MLLT1: variants seen among roughly 807,000 people sequenced by gnomAD.
The protein encoded by MLLT1 is protein ENL.
Under a neutral mutation model 55.1 loss-of-function variants are expected in MLLT1, and 11 were observed. The ratio of observed to expected loss-of-function variants is 0.20; its 90% CI spans 0.13 to 0.33. The LOEUF (loss-of-function observed/expected upper bound fraction) is 0.33. MLLT1 is among the 10% of genes least tolerant of loss of function. The pLI is 1.00. For synonymous variants in MLLT1, 323 were observed against 320.1 expected, an observed-to-expected ratio of 1.01 and a Z score of -0.10; for missense variants, 536 against 760.6, an observed-to-expected ratio of 0.70 and a Z score of 3.47.
intron 1 of MLLT1, among the ~76,000 whole-genome samples, chr19:6,279,353 A>C (rs1055418536): frequency 6.6e-6 from 1 of 152,060 alleles, no homozygotes; most frequent in African/African-American, 2.4e-5. Flanking sequence ...GGGTCTGAAC[A>C]GGGCCCAGAT....
At chr19:6,269,742 G>A (rs542578918) in intron 2 of MLLT1, among the ~76,000 whole-genome samples, 19 of 152,320 alleles carry the variant, frequency 1.2e-4, no homozygotes, top group African/African-American at 3.8e-4. Flanking sequence ...GCAGGGTAGA[G>A]GGGTCACCAG....
At position 6,270,489 on chromosome 19, in the gene MLLT1, T is replaced by C. The variant is rs2091386680; in HGVS notation, c.193+90A>G. ...AACCTCATGGTTGGAGGGGTCCTGC[T>C]GCTCCTGAGGGAGGGGTGGAGCCTG... On this transcript the variant is annotated intron_variant, in intron 2 of 11. Transcript: ENST00000252674. The surrounding 1 kb of genome is among the most constrained non-coding windows in gnomAD (Gnocchi z 7.1). The C allele has an allele frequency of 1.0e-5, 14 of 1,399,894 alleles. No individual in the cohort carries two copies. Among genetic ancestry groups the C allele is most frequent in the Admixed American group, 8.5e-5 (4 of 46,926 alleles). The allele number at this position is 1,399,894 out of a possible 1,614,324, so 86.7% of individuals were successfully genotyped here. A position where few individuals can be genotyped will look rare whatever the true frequency, so the allele number is the denominator to read the frequency against.
At chr19:6,277,983 G>C (rs964446831) in intron 1 of MLLT1, among the ~76,000 whole-genome samples, 2 of 152,206 alleles carry the variant, frequency 1.3e-5, no homozygotes, top group Non-Finnish European at 2.9e-5. Flanking sequence ...CAAACCAGAT[G>C]GGAAGCCATG....
At chr19:6,213,291 C>T in intron 11 of MLLT1, 46 bp downstream of exon 11, 4 of 1,610,536 alleles carry the variant, frequency 2.5e-6, no homozygotes, top group Non-Finnish European at 3.4e-6. Context: ...ACACTCCTCA[C>T]AGGCACCCCG....
At chr19:6,259,095 C>T (rs1225046271) in intron 3 of MLLT1, 4 of 152,224 alleles carry the variant, frequency 2.6e-5, no homozygotes, top group South Asian at 2.1e-4. Context: ...TGAGATTGAA[C>T]GCTGGCGTGT....
chr19:6,224,819 T>TC (rs2090938679), intron 5 of MLLT1, among the ~76,000 whole-genome samples: 1 of 152,148 alleles, frequency 6.6e-6, no homozygotes, highest in African/African-American at 2.4e-5. Flanking sequence ...AAGCTCCGCC[T>TC]CCCGGGTTCA....
intron 3 of MLLT1, among the ~76,000 whole-genome samples, chr19:6,246,926 G>A (rs530642078): frequency 2.0e-5 from 3 of 152,308 alleles, no homozygotes; most frequent in South Asian, 2.1e-4. Context: ...AGAGCTGCAC[G>A]CCAATGCTGA....
At position 6,273,873 on chromosome 19, in the gene MLLT1, G is replaced by A. The variant is rs2091413337; in HGVS notation, c.13-3114C>T. On this transcript the variant is annotated intron_variant, in intron 1 of 11. Transcript: ENST00000252674. The surrounding 1 kb of genome is among the most constrained non-coding windows in gnomAD (Gnocchi z 4.3). ...TCTGATGACAGGGAGTTCCTACCCAGGGCACGCAGGCGGCAGAGCAGTTAT... is the reference window on the plus strand; with the variant it reads ...TCTGATGACAGGGAGTTCCTACCCAAGGCACGCAGGCGGCAGAGCAGTTAT... Among the ~76,000 whole-genome samples, 1 of 152,236 alleles carries A rather than the reference G, an allele frequency of 6.6e-6. No homozygotes were observed. Among genetic ancestry groups the A allele is most frequent in the Non-Finnish European group, 1.5e-5 (1 of 68,042 alleles).
At chr19:6,221,990 G>A (rs2090902582) in intron 6 of MLLT1, 131 bp downstream of exon 6, 3 of 663,640 alleles carry the variant, frequency 4.5e-6, no homozygotes, top group South Asian at 4.7e-5. Context: ...GTTACAAGAA[G>A]CCAGTGGGAG....
intron 2 of MLLT1, among the ~76,000 whole-genome samples, chr19:6,269,845 CCT>C (rs1029347437): frequency 7.9e-5 from 12 of 152,220 alleles, no homozygotes; most frequent in African/African-American, 1.7e-4. Flanking sequence ...TTATCGAACC[CCT>C]GTGATGTGCC....
intron 3 of MLLT1, among the ~76,000 whole-genome samples, chr19:6,236,936 C>T (rs1357241844): frequency 3.3e-5 from 5 of 152,246 alleles, no homozygotes; most frequent in East Asian, 3.9e-4. Flanking sequence ...GTTCTTGGGC[C>T]GGGCCAGGTC....
At chr19:6,254,422 A>G (rs867732654) in intron 3 of MLLT1, among the ~76,000 whole-genome samples, 2 of 152,362 alleles carry the variant, frequency 1.3e-5, no homozygotes, top group African/African-American at 4.8e-5. Flanking sequence ...ACTGTTGAAC[A>G]TAAGGAGGGG....
chr19:6,279,653 C>A, intron 1 of MLLT1, 120 bp downstream of exon 1: 1 of 147,408 alleles, frequency 6.8e-6, no homozygotes, highest in South Asian at 2.0e-4. Flanking sequence ...GAGCGGCGGG[C>A]GCGCACAAAG....
chr19:6,234,405 T>C (rs2091040924), intron 3 of MLLT1, among the ~76,000 whole-genome samples: 1 of 152,194 alleles, frequency 6.6e-6, no homozygotes, highest in Admixed American at 6.5e-5. Context: ...GCAAAGGCAC[T>C]TCTGGGCACA....
At chr19:6,248,774 G>A (rs970756149) in intron 3 of MLLT1, among the ~76,000 whole-genome samples, 1 of 152,172 alleles carries the variant, frequency 6.6e-6, no homozygotes, top group Non-Finnish European at 1.5e-5. Flanking sequence ...AGTTCACGGC[G>A]ATTGTACTGA....
chr19:6,275,442 A>G (rs1181942736), intron 1 of MLLT1, among the ~76,000 whole-genome samples: 1 of 152,172 alleles, frequency 6.6e-6, no homozygotes, highest in East Asian at 1.9e-4. Flanking sequence ...CGACGGCAAC[A>G]TGAGACCCAA....
chr19:6,268,415 A>G (rs1329363831), intron 2 of MLLT1, among the ~76,000 whole-genome samples: 1 of 152,246 alleles, frequency 6.6e-6, no homozygotes, highest in Non-Finnish European at 1.5e-5. Flanking sequence ...ATGAGCTGGT[A>G]TTAAGAGGAG....
At chr19:6,239,798 ACACACTCACATG>A (rs2091098743) in intron 3 of MLLT1, among the ~76,000 whole-genome samples, 1 of 152,138 alleles carries the variant, frequency 6.6e-6, no homozygotes, top group African/African-American at 2.4e-5. Flanking sequence ...CTGTACACAT[ACACACTCACATG>A]CACACTCAGA....
Position 6,230,824 on chromosome 19 carries a change from T to C in MLLT1, c.277-111A>G. 7.3e-7 allele frequency: 1 copy of C among 1,378,418 alleles called. No individual in the cohort carries two copies. The highest frequency in any genetic ancestry group is 1.0e-6 in the Non-Finnish European group (1 of 1,004,604). 85.4% of individuals were successfully genotyped at this position (1,378,418 alleles called of 1,614,324 possible). On this transcript the variant is annotated intron_variant, in intron 3 of 11. Transcript: ENST00000252674. The surrounding 1 kb of genome is among the most constrained non-coding windows in gnomAD (Gnocchi z 9.0). ...CTCCCTCACTGGGCCTCTGTTCCCCTCCCTCCGATTTGCGCCCACTTCTCT... is the reference window on the plus strand; with the variant it reads ...CTCCCTCACTGGGCCTCTGTTCCCCCCCCTCCGATTTGCGCCCACTTCTCT...
Sources: allele counts gnomAD v4.1 joint callset (sites outside exome capture counted in the v4.1 genomes callset), GRCh38; gene constraint gnomAD v4.1.1; non-coding constraint Gnocchi (gnomAD v3.1); transcripts MANE v1.5; gene names NCBI Gene and HGNC (gene_info 2026-07-23, HGNC 2026-07-21).